Variants in DACH2 observed in about 807,000 individuals in gnomAD.
DACH2 encodes the protein dachshund homolog 2.
DACH2 carries 17 observed loss-of-function variants against 35.8 expected under a neutral mutation model. That is an observed-to-expected ratio of 0.48 (90% CI 0.33 to 0.71). The LOEUF (loss-of-function observed/expected upper bound fraction) is 0.71, where lower values mean the gene tolerates loss of function less well. Among genes scored for constraint, DACH2 ranks in the 30% least tolerant of loss-of-function variants. The pLI is 0.02. For synonymous variants in DACH2, 195 were observed against 177.3 expected, an observed-to-expected ratio of 1.10 and a Z score of -0.79; for missense variants, 469 against 472.7, an observed-to-expected ratio of 0.99 and a Z score of 0.07.
At chrX:86,343,812 G>A (rs984311917) in intron 1 of DACH2, among the ~76,000 whole-genome samples, 2 of 110,921 alleles carry the variant, frequency 1.8e-5, no homozygotes, top group African/African-American at 3.3e-5. Flanking sequence ...AAAAACATTT[G>A]CCATCTATTT....
intron 2 of DACH2, among the ~76,000 whole-genome samples, chrX:86,391,179 A>G (rs560355680): frequency 2.9e-5 from 3 of 103,374 alleles, no homozygotes; most frequent in African/African-American, 1.1e-4. Flanking sequence ...CTACTAGGAG[A>G]CGGAGGCATG....
At chrX:86,496,693 A>G (rs750662484) in intron 2 of DACH2, among the ~76,000 whole-genome samples, 8 of 110,387 alleles carry the variant, frequency 7.2e-5, no homozygotes, top group Middle Eastern at 4.7e-3. Flanking sequence ...ACACACATGA[A>G]AAAGCTATGG....
chrX:86,719,487 G>A (rs1450456935), intron 6 of DACH2, among the ~76,000 whole-genome samples: 1 of 111,173 alleles, frequency 9.0e-6, no homozygotes, highest in Non-Finnish European at 1.9e-5. Context: ...GGGTGTATTA[G>A]TTCATTCTCA....
chrX:86,685,532 A>T (rs191919677), intron 4 of DACH2, among the ~76,000 whole-genome samples: 29 of 112,092 alleles, frequency 2.6e-4, no homozygotes. Flanking sequence ...TTACAAGAGC[A>T]CATGTCACAG....
At chrX:86,341,169 A>G (rs1015457641) in intron 1 of DACH2, among the ~76,000 whole-genome samples, 2 of 112,097 alleles carry the variant, frequency 1.8e-5, no homozygotes, top group African/African-American at 6.5e-5. Context: ...GGGAAAACAT[A>G]CTGTCTAGAA....
At position 86,633,511 on chromosome X, in the gene DACH2, C is replaced by T. The variant is rs369651016; in HGVS notation, c.641-17525C>T. 8.4e-4 allele frequency among the ~76,000 whole-genome samples: 94 copies of T among 111,395 alleles called. 1 individual carries two copies. The South Asian group carries it at 0.019, about 23-fold the overall frequency. ...TCCTGGGACTAGATAAATTCACGGA[C>T]GAATTCTACCAGACATGCATAGAAG... On this transcript the variant is annotated intron_variant, in intron 3 of 11. Transcript: ENST00000373125.
At chrX:86,452,238 T>C (rs2037390867) in intron 2 of DACH2, among the ~76,000 whole-genome samples, 1 of 111,890 alleles carries the variant, frequency 8.9e-6, no homozygotes, top group African/African-American at 3.2e-5. Context: ...CAGTATTTTA[T>C]TAAGAATTTT....
chrX:86,714,832 A>G, intron 6 of DACH2, 112 bp downstream of exon 6: 1 of 695,447 alleles, frequency 1.4e-6, no homozygotes, highest in Non-Finnish European at 2.1e-6. Flanking sequence ...TGACTCAGTT[A>G]GTTAGCATAC....
At chrX:86,452,584 T>A (rs913136637) in intron 2 of DACH2, among the ~76,000 whole-genome samples, 1 of 111,650 alleles carries the variant, frequency 9.0e-6, no homozygotes, top group Non-Finnish European at 1.9e-5. Context: ...TTTATTCATT[T>A]CATCTACATT....
chrX:86,262,621 G>T (rs1194553202), intron 1 of DACH2, among the ~76,000 whole-genome samples: 1 of 96,413 alleles, frequency 1.0e-5, no homozygotes, highest in Non-Finnish European at 2.0e-5. Flanking sequence ...CTGTCACATT[G>T]GTGATAGAAT....
intron 7 of DACH2, among the ~76,000 whole-genome samples, chrX:86,806,762 G>A (rs2042348776): frequency 8.9e-6 from 1 of 111,967 alleles, no homozygotes; most frequent in East Asian, 2.8e-4. Context: ...TCAGATTTTA[G>A]ATTTTCCAAT....
intron 1 of DACH2, among the ~76,000 whole-genome samples, chrX:86,179,437 A>G (rs1412518193): frequency 8.9e-6 from 1 of 111,824 alleles, no homozygotes; most frequent in Non-Finnish European, 1.9e-5. Context: ...GAATCAGGAG[A>G]GAGAAGAATG....
At chrX:86,785,940 T>C (rs2042132576) in intron 7 of DACH2, among the ~76,000 whole-genome samples, 1 of 111,582 alleles carries the variant, frequency 9.0e-6, no homozygotes. Context: ...AGAAACAAGA[T>C]TTGATGATTC....
chrX:86,325,902 T>C (rs769826113), intron 1 of DACH2, among the ~76,000 whole-genome samples: 83 of 109,365 alleles, frequency 7.6e-4, no homozygotes, highest in Non-Finnish European at 1.5e-3. Context: ...TTTGGTTAAA[T>C]CAGTTAAATC....
chrX:86,256,470 G>A (rs2033521356), intron 1 of DACH2, among the ~76,000 whole-genome samples: 1 of 111,360 alleles, frequency 9.0e-6, no homozygotes, highest in Non-Finnish European at 1.9e-5. Context: ...AGGCCTCTAA[G>A]ATGCTTTCAA....
In DACH2 at chrX:86,282,774, C is replaced by T. The variant is rs867521593; in HGVS notation, c.489-94050C>T. 5.3e-4 allele frequency among the ~76,000 whole-genome samples: 20 copies of T among 37,708 alleles called. 1 individual carries two copies. In the African/African-American group the frequency reaches 5.5e-3, roughly 10 times the overall value. The allele number at this position is 37,708 out of a possible 115,157, so 32.7% of individuals were successfully genotyped here. The stretch of plus-strand genomic sequence containing the variant: ...GGGCAAATGCTATGAACAGACACTT[C>T]TTTTTTTTTTTTTTTTTTTTTGAGA... On this transcript the variant is annotated intron_variant, in intron 1 of 11. Transcript: ENST00000373125.
chrX:86,413,479 A>G (rs1602493134), intron 2 of DACH2, among the ~76,000 whole-genome samples: 1 of 111,705 alleles, frequency 9.0e-6, no homozygotes, highest in African/African-American at 3.3e-5. Context: ...TTGGAGTCAC[A>G]TCTTGGTTAA....
intron 1 of DACH2, among the ~76,000 whole-genome samples, chrX:86,322,160 G>A (rs1988916): frequency 9.1e-6 from 1 of 109,962 alleles, no homozygotes; most frequent in Non-Finnish European, 1.9e-5. Flanking sequence ...TGCAATGCTT[G>A]ATCTAATAGT....
intron 4 of DACH2, among the ~76,000 whole-genome samples, chrX:86,674,522 G>C (rs2040805743): frequency 8.9e-6 from 1 of 112,236 alleles, no homozygotes; most frequent in African/African-American, 3.2e-5. Flanking sequence ...ATGGCCAAAA[G>C]AGCAGAATAG....
Sources: gnomAD v4.1 joint callset for allele counts (sites outside exome capture counted in the v4.1 genomes callset) on GRCh38, gnomAD v4.1.1 for gene constraint, MANE v1.5 for transcripts, NCBI Gene and HGNC (gene_info 2026-07-23, HGNC 2026-07-21) for gene names.